Variants in RAB22A observed in about 807,000 individuals in gnomAD.
The protein encoded by RAB22A is RAB22A, member RAS oncogene family.
Under a neutral mutation model 30.2 loss-of-function variants are expected in RAB22A, and 13 were observed. The ratio of observed to expected loss-of-function variants is 0.43; its 90% CI spans 0.28 to 0.68. The LOEUF (loss-of-function observed/expected upper bound fraction) is 0.68. Ranked by LOEUF, RAB22A falls within the 30% of genes least tolerant of loss-of-function variation. RAB22A has a pLI of 0.18. For missense variants in RAB22A, 177 were observed against 246.8 expected (o/e 0.72, Z 1.89); for synonymous variants, 89 against 87.2 (o/e 1.02, Z -0.11).
At chr20:58,321,163 C>CCTTG (rs1986451206) in intron 2 of RAB22A, among the ~76,000 whole-genome samples, 1 of 151,012 alleles carries the variant, frequency 6.6e-6, no homozygotes, top group Non-Finnish European at 1.5e-5. Flanking sequence ...TGCCCTCCAG[C>CCTTG]CTGGTGACAG....
intron 2 of RAB22A, among the ~76,000 whole-genome samples, chr20:58,317,788 C>T (rs1304998061): frequency 1.3e-5 from 2 of 151,992 alleles, no homozygotes; most frequent in South Asian, 2.1e-4. Flanking sequence ...CCTCGTGATC[C>T]GCCTGCCTTG....
At chr20:58,311,710 T>C (rs1986228740) in intron 2 of RAB22A, among the ~76,000 whole-genome samples, 1 of 152,254 alleles carries the variant, frequency 6.6e-6, no homozygotes, top group Non-Finnish European at 1.5e-5. Flanking sequence ...TTGTGTTTTA[T>C]AGGCTTTAAT....
In RAB22A at chr20:58,310,999, A is replaced by G. The variant is rs777702750; in HGVS notation, c.37-44A>G. On this transcript the variant is annotated intron_variant, in intron 1 of 6. Transcript: ENST00000244040. ...CACAAAGTAGTTTTTGGTGTCTGCC[A>G]AAAGGTAAACTTTTTCTCAGTCCCT... 7.3e-6 allele frequency: 11 copies of G among 1,514,060 alleles called. No individual in the cohort carries two copies. In the East Asian group the frequency reaches 1.8e-4, roughly 25 times the overall value. The allele number at this position is 1,514,060 out of a possible 1,614,324, so 93.8% of individuals were successfully genotyped here. A position where few individuals can be genotyped will look rare whatever the true frequency, so the allele number is the denominator to read the frequency against.
At chr20:58,320,929 C>T (rs1205464390) in intron 2 of RAB22A, among the ~76,000 whole-genome samples, 4 of 152,150 alleles carry the variant, frequency 2.6e-5, no homozygotes, top group Non-Finnish European at 5.9e-5. Context: ...CAGTGGCTCA[C>T]GCCTGTAATC....
In RAB22A at chr20:58,362,793, T is replaced by A. The variant is rs375822881; in HGVS notation, c.*3090T>A. 6.6e-6 allele frequency: 1 copy of A among 152,364 alleles called. No homozygotes were observed. Among genetic ancestry groups the A allele is most frequent in the Non-Finnish European group, 1.5e-5 (1 of 68,044 alleles). 9.4% of individuals were successfully genotyped at this position (152,364 alleles called of 1,614,324 possible). On this transcript the variant is annotated 3_prime_UTR_variant, in exon 7 of 7. Coordinates refer to ENST00000244040, the MANE Select transcript of RAB22A (RefSeq NM_020673.3). ...AACTTATTTTCTTGTGACCCGTTTA[T>A]GATGTTGTTTGAAGTCCCTGTTTCC...
chr20:58,324,390 C>A (rs908446987), intron 2 of RAB22A, among the ~76,000 whole-genome samples: 1 of 152,004 alleles, frequency 6.6e-6, no homozygotes, highest in East Asian at 1.9e-4. Context: ...ACGGAGACCC[C>A]GTTTTCATTT....
At position 58,319,175 on chromosome 20, in the gene RAB22A, C is replaced by A. The variant is rs1283456857; in HGVS notation, c.116+8053C>A. On this transcript the variant is annotated intron_variant, in intron 2 of 6. Coordinates refer to ENST00000244040, the MANE Select transcript of RAB22A (RefSeq NM_020673.3). ...AAAAAGATTCTTGACCCTTACCTCA[C>A]AAAGTAAACGAGTAGAAACAGATCA... Among the ~76,000 whole-genome samples the A allele has an allele frequency of 2.0e-5, 3 of 151,816 alleles. No homozygotes were observed. In the East Asian group the frequency reaches 5.8e-4, roughly 29 times the overall value.
intron 2 of RAB22A, among the ~76,000 whole-genome samples, chr20:58,330,671 C>T (rs1432812086): frequency 1.3e-5 from 2 of 152,100 alleles, no homozygotes; most frequent in African/African-American, 2.4e-5. Context: ...GTTGGGATGT[C>T]GCCTTATGAC....
intron 3 of RAB22A, among the ~76,000 whole-genome samples, chr20:58,344,467 C>T (rs1318571157): frequency 6.6e-6 from 1 of 152,038 alleles, no homozygotes; most frequent in Non-Finnish European, 1.5e-5. Flanking sequence ...TGAGACACAT[C>T]TGCCTCCTCC....
At chr20:58,320,985 A>G (rs1177758820) in intron 2 of RAB22A, among the ~76,000 whole-genome samples, 1 of 151,962 alleles carries the variant, frequency 6.6e-6, no homozygotes, top group Non-Finnish European at 1.5e-5. Flanking sequence ...GGGTCAACAG[A>G]TCGAGACCAT....
chr20:58,330,955 T>C (rs1279854546), intron 2 of RAB22A, among the ~76,000 whole-genome samples: 1 of 152,182 alleles, frequency 6.6e-6, no homozygotes, highest in Non-Finnish European at 1.5e-5. Flanking sequence ...TGCAGCTCCT[T>C]CTTTTCTAGA....
rs1194405830 is a variant in RAB22A, at chr20:58,367,248, A to G, written c.*7545A>G. 4 of 152,346 alleles carry G rather than the reference A, an allele frequency of 2.6e-5. No individual in the cohort carries two copies. Among genetic ancestry groups the G allele is most frequent in the East Asian group, 3.9e-4 (2 of 5,188 alleles). 9.4% of individuals were successfully genotyped at this position (152,346 alleles called of 1,614,324 possible). On this transcript the variant is annotated 3_prime_UTR_variant, in exon 7 of 7. Transcript: ENST00000244040. ...GGCTGGACCTAAGTGTATGTAAACC[A>G]TATGATGCCTGTATTGTTTATAGAT...
intron 2 of RAB22A, among the ~76,000 whole-genome samples, chr20:58,314,380 A>G (rs1293317627): frequency 6.6e-6 from 1 of 152,170 alleles, no homozygotes; most frequent in East Asian, 1.9e-4. Context: ...TGATTTATTC[A>G]ACCCTTTTCT....
At chr20:58,358,560 T>A (rs772557456) in intron 6 of RAB22A, among the ~76,000 whole-genome samples, 1 of 152,108 alleles carries the variant, frequency 6.6e-6, no homozygotes, top group Non-Finnish European at 1.5e-5. Flanking sequence ...GTTAAATGAA[T>A]GGTGGTACAT....
At chr20:58,318,117 C>T (rs1478612391) in intron 2 of RAB22A, among the ~76,000 whole-genome samples, 1 of 152,226 alleles carries the variant, frequency 6.6e-6, no homozygotes. Context: ...ATCCTCCTGC[C>T]TTGGCCTCCC....
chr20:58,314,501 A>G (rs978002377), intron 2 of RAB22A, among the ~76,000 whole-genome samples: 2 of 152,228 alleles, frequency 1.3e-5, no homozygotes, highest in Non-Finnish European at 2.9e-5. Context: ...TGAAGCACCT[A>G]GCAGCACTGA....
intron 2 of RAB22A, among the ~76,000 whole-genome samples, chr20:58,320,792 GCACCTATAATCCTAGCA>G (rs1986439951): frequency 6.6e-6 from 1 of 152,064 alleles, no homozygotes; most frequent in African/African-American, 2.4e-5. Flanking sequence ...GCGGTGGTTC[GCACCTATAATCCTAGCA>G]CTTTGGGAGG....
At chr20:58,329,746 T>C (rs1485334378) in intron 2 of RAB22A, among the ~76,000 whole-genome samples, 1 of 152,248 alleles carries the variant, frequency 6.6e-6, no homozygotes, top group Non-Finnish European at 1.5e-5. Context: ...CTAGATATTA[T>C]ACCACAGGCC....
chr20:58,311,144 C>G, intron 2 of RAB22A, 22 bp downstream of exon 2: 1 of 1,537,716 alleles, frequency 6.5e-7, no homozygotes, highest in Non-Finnish European at 9.0e-7. Context: ...TTATTTGATA[C>G]ACATCTAAAG....
Sources: gnomAD v4.1 joint callset for allele counts (sites outside exome capture counted in the v4.1 genomes callset) on GRCh38, gnomAD v4.1.1 for gene constraint, MANE v1.5 for transcripts, NCBI Gene and HGNC (gene_info 2026-07-23, HGNC 2026-07-21) for gene names.